CPEB2: variants seen among roughly 807,000 people sequenced by gnomAD.
The protein encoded by CPEB2 is cytoplasmic polyadenylation element binding protein 2.
Under a neutral mutation model 93.6 loss-of-function variants are expected in CPEB2, and 56 were observed. The ratio of observed to expected loss-of-function variants is 0.60; its 90% CI spans 0.48 to 0.75. CPEB2 has a LOEUF of 0.75. CPEB2 is among the 30% of genes least tolerant of loss of function. The pLI, the probability that CPEB2 is intolerant of heterozygous loss-of-function variation, is 0.00. For missense variants in CPEB2, 1,579 were observed against 1,395.1 expected, an observed-to-expected ratio of 1.13 and a Z score of -2.10; for synonymous variants, 764 against 586.3, an observed-to-expected ratio of 1.30 and a Z score of -4.38.
chr4:15,009,453 G>A (rs756853604), intron 3 of CPEB2, among the ~76,000 whole-genome samples: 2 of 152,238 alleles, frequency 1.3e-5, no homozygotes, highest in East Asian at 1.9e-4. Flanking sequence ...AATTTGCAAC[G>A]TATTGTCTTG....
At position 15,036,608 on chromosome 4, in the gene CPEB2, G is replaced by A. The variant is rs141978040; in HGVS notation, c.2176+3397G>A. Among the ~76,000 whole-genome samples, 294 of 152,132 alleles carry A rather than the reference G, an allele frequency of 1.9e-3. 1 individual carries two copies. The highest frequency in any genetic ancestry group is 6.7e-3 in the African/African-American group (277 of 41,510). On this transcript the variant is annotated intron_variant, in intron 5 of 11. Transcript: ENST00000538197. Reference sequence around the variant, plus strand: ...CATTCAAGTATTTGTATTAATATTTGAATTATATCTTCTTTACCCCTTTCT... The same window carrying A: ...CATTCAAGTATTTGTATTAATATTTAAATTATATCTTCTTTACCCCTTTCT...
At chr4:15,030,300 G>A (rs1216197801) in intron 4 of CPEB2, among the ~76,000 whole-genome samples, 2 of 151,918 alleles carry the variant, frequency 1.3e-5, no homozygotes, top group Non-Finnish European at 2.9e-5. Flanking sequence ...TATTAAGATA[G>A]CGATTAAGAG....
Position 15,003,245 on chromosome 4 carries a change from C to G in CPEB2, c.572C>G (p.Pro191Arg). 6.6e-7 allele frequency: 1 copy of G among 1,525,154 alleles called. No homozygotes were observed. The highest frequency in any genetic ancestry group is 1.4e-5 in the African/African-American group (1 of 69,630). 94.5% of individuals were successfully genotyped at this position (1,525,154 alleles called of 1,614,324 possible). The change falls in exon 1 of 12, where the codon CCG (proline) becomes CGG (arginine). Residue 191 changes from proline (P) to arginine (R), a missense_variant. Physicochemically the swap from Pro to Arg is moderately radical, Grantham distance 103. Around this residue, in one of 2 missense-constraint regions of CPEB2, gnomAD observed 1,411 missense variants for 1,056.0 expected, o/e 1.34. Transcript: ENST00000538197. Reference sequence around the variant, plus strand: ...AGCCCTCCCCACCTTCCCCACCCTCCGGACTCGAAGCCGCCGCCGCCGCCT... The same window carrying G: ...AGCCCTCCCCACCTTCCCCACCCTCGGGACTCGAAGCCGCCGCCGCCGCCT... ...EFSPPHLPHP[P>R]DSKPPPPPPP...
chr4:15,010,783 A>G (rs1723367996), intron 3 of CPEB2, among the ~76,000 whole-genome samples: 1 of 152,064 alleles, frequency 6.6e-6, no homozygotes. Context: ...TTTAGTCTCA[A>G]ACTGATTGGG....
chr4:15,025,724 T>C (rs1423066287), intron 4 of CPEB2, among the ~76,000 whole-genome samples: 1 of 152,036 alleles, frequency 6.6e-6, no homozygotes, highest in Non-Finnish European at 1.5e-5. Flanking sequence ...CACACAGTTA[T>C]AACCAGAGCT....
intron 5 of CPEB2, among the ~76,000 whole-genome samples, chr4:15,035,723 T>A (rs1008514671): frequency 6.6e-6 from 1 of 152,124 alleles, no homozygotes; most frequent in African/African-American, 2.4e-5. Context: ...TTAGGTAAAA[T>A]AACCCCCCAA....
In CPEB2 at chr4:15,003,347, C is replaced by T; in HGVS notation, c.674C>T (p.Ala225Val). 2 of 1,394,726 alleles carry T rather than the reference C, an allele frequency of 1.4e-6. No individual in the cohort carries two copies. The highest frequency in any genetic ancestry group is 1.8e-6 in the Non-Finnish European group (2 of 1,087,672). 86.4% of individuals were successfully genotyped at this position (1,394,726 alleles called of 1,614,324 possible). A position where few individuals can be genotyped will look rare whatever the true frequency, so the allele number is the denominator to read the frequency against. Residue 225 changes from alanine (A) to valine (V), a missense_variant, in exon 1 of 12, where the codon GCT becomes GTT. Ala to Val is a moderately conservative substitution (Grantham distance 64, BLOSUM62 0). Around this residue, in one of 2 missense-constraint regions of CPEB2, gnomAD observed 1,411 missense variants for 1,056.0 expected, o/e 1.34. Coordinates refer to ENST00000538197, the MANE Select transcript of CPEB2 (RefSeq NM_001177382.2). The part of the protein sequence containing the change: ...AGPLLQPAQL[A>V]QRQQQQPPQQ... ...CCGCTCCTCCAGCCGGCGCAGCTCG[C>T]TCAGCGCCAGCAGCAACAGCCGCCG...
chr4:15,018,520 A>G lies in CPEB2; in HGVS notation c.2125+1242A>G, dbSNP rs202174953. 2.4e-3 allele frequency among the ~76,000 whole-genome samples: 352 copies of G among 148,664 alleles called. 3 individuals are homozygous for G. Among genetic ancestry groups the G allele is most frequent in the South Asian group, 0.019 (88 of 4,720 alleles). ...TTTCCTTTTAACCAAAGTTCAGCTTAGTTTTTTGAGTATCTTTGTATAGGG... is the reference window on the plus strand; with the variant it reads ...TTTCCTTTTAACCAAAGTTCAGCTTGGTTTTTTGAGTATCTTTGTATAGGG... On this transcript the variant is annotated intron_variant, in intron 4 of 11. Coordinates refer to ENST00000538197, the MANE Select transcript of CPEB2 (RefSeq NM_001177382.2).
chr4:15,058,354 T>C, intron 8 of CPEB2, 67 bp from the exon 9 acceptor site: 1 of 819,968 alleles, frequency 1.2e-6, no homozygotes, highest in South Asian at 1.6e-5. Context: ...ATTTTCTAAA[T>C]AGTACTGAAA....
rs148405739 is a variant in CPEB2 at position 15,046,771 on chromosome 4, G to C, written c.2201-5643G>C. Among the ~76,000 whole-genome samples the C allele has an allele frequency of 3.5e-3, 525 of 152,132 alleles. 2 individuals carry two copies. The highest frequency in any genetic ancestry group is 5.3e-3 in the Non-Finnish European group (360 of 67,992). On this transcript the variant is annotated intron_variant, in intron 6 of 11. Coordinates refer to ENST00000538197, the MANE Select transcript of CPEB2 (RefSeq NM_001177382.2). The stretch of plus-strand genomic sequence containing the variant: ...CCTATTTTCCAGTAGCGTATTGCTT[G>C]CCATCCACTTTTTAACAGTATCTTT...
rs1291789127 is a variant in CPEB2 at position 15,003,503 on chromosome 4, GAGGCGCGGGCAGCCCTCGCAAGACCCC to G, written c.833_859del (p.Gly278_Pro286del). ...CCTGCAGCCCCGCGGCGCCGCCACGGAGGCGCGGGCAGCCCTCGCAAGACCCCAGCCGCGGGCGAGGGCAGCGCCGCC... is the reference window on the plus strand; with the variant it reads ...CCTGCAGCCCCGCGGCGCCGCCACGGAGCCGCGGGCGAGGGCAGCGCCGCC... On this transcript the variant is annotated inframe_deletion, in exon 1 of 12. Coordinates refer to ENST00000538197, the MANE Select transcript of CPEB2 (RefSeq NM_001177382.2). 1.6e-5 allele frequency: 22 copies of G among 1,410,410 alleles called. No homozygotes were observed. In the South Asian group the frequency reaches 3.3e-4, roughly 21 times the overall value. 87.4% of individuals were successfully genotyped at this position (1,410,410 alleles called of 1,614,324 possible).
chr4:15,059,513 T>C (rs1399438130), intron 10 of CPEB2, among the ~76,000 whole-genome samples: 1 of 152,146 alleles, frequency 6.6e-6, no homozygotes, highest in Non-Finnish European at 1.5e-5. Flanking sequence ...GGTACTTATC[T>C]ATCAATATTA....
intron 3 of CPEB2, among the ~76,000 whole-genome samples, chr4:15,016,583 T>C (rs1350267938): frequency 1.3e-5 from 2 of 151,942 alleles, no homozygotes; most frequent in East Asian, 1.9e-4. Context: ...GAGACAAATA[T>C]GGAAGCACTT....
intron 10 of CPEB2, among the ~76,000 whole-genome samples, chr4:15,059,529 G>A (rs1398275091): frequency 3.3e-5 from 5 of 152,118 alleles, no homozygotes; most frequent in Admixed American, 6.5e-5. Flanking sequence ...TATTAGTGCA[G>A]TAGCTAACTC....
Position 15,004,152 on chromosome 4 carries a change from GGCTACC to G in CPEB2, c.1483_1488del (p.Thr495_Ala496del). 1 of 1,324,732 alleles carries G rather than the reference GGCTACC, an allele frequency of 7.5e-7. No individual in the cohort carries two copies. The highest frequency in any genetic ancestry group is 9.8e-7 in the Non-Finnish European group (1 of 1,015,434). 82.1% of individuals were successfully genotyped at this position (1,324,732 alleles called of 1,614,324 possible). ...GCGGCGGCTTCGGCGGCCCCTTCTCGGCTACCGCTGTGCCCCCTCCGCCGCCGCCCG... is the reference window on the plus strand; with the variant it reads ...GCGGCGGCTTCGGCGGCCCCTTCTCGGCTGTGCCCCCTCCGCCGCCGCCCG... On this transcript the variant is annotated inframe_deletion, in exon 1 of 12. Transcript: ENST00000538197.
Position 15,002,816 on chromosome 4 carries a change from T to G in CPEB2, c.143T>G (p.Leu48Arg), listed in dbSNP as rs1334585090. The stretch of plus-strand genomic sequence containing the variant: ...CCCTCCGCCACGCCCTTCGGCCCAC[T>G]GTCGCCACCACCGTTGCCTGTCACC... ...PLPSATPFGP[L>R]SPPPLPVTGF... The change falls in exon 1 of 12, where the codon CTG becomes CGG. Residue 48 changes from leucine to arginine, a missense_variant. Leu to Arg is a moderately radical substitution (Grantham distance 102, BLOSUM62 -2). Around this residue, in one of 2 missense-constraint regions of CPEB2, gnomAD observed 1,411 missense variants for 1,056.0 expected, o/e 1.34. Coordinates refer to ENST00000538197, the MANE Select transcript of CPEB2 (RefSeq NM_001177382.2). 4 of 1,535,256 alleles carry G rather than the reference T, an allele frequency of 2.6e-6. No individual in the cohort carries two copies. The highest frequency in any genetic ancestry group is 3.5e-6 in the Non-Finnish European group (4 of 1,146,598).
At chr4:15,048,553 T>C (rs1008013114) in intron 6 of CPEB2, among the ~76,000 whole-genome samples, 2 of 151,964 alleles carry the variant, frequency 1.3e-5, no homozygotes, top group Non-Finnish European at 2.9e-5. Context: ...AAGTTCTGTG[T>C]TGATTGATGT....
chr4:15,005,901 C>G (rs1722751244), intron 1 of CPEB2, among the ~76,000 whole-genome samples: 1 of 152,174 alleles, frequency 6.6e-6, no homozygotes, highest in East Asian at 1.9e-4. Flanking sequence ...TATCTGGAAA[C>G]TTGCCCACAG....
chr4:15,002,784 C>A lies in CPEB2; in HGVS notation c.111C>A (p.Asn37Lys). The change falls in exon 1 of 12, where the codon AAC becomes AAA. Residue 37 changes from asparagine (N) to lysine (K), a missense_variant. Around this residue, in one of 2 missense-constraint regions of CPEB2, gnomAD observed 1,411 missense variants for 1,056.0 expected, o/e 1.34. Coordinates refer to ENST00000538197, the MANE Select transcript of CPEB2 (RefSeq NM_001177382.2). ...GTCCTTACGCCGTGGGGTCCGTCAA[C>A]CCGCTGCCCTCCGCCACGCCCTTCG... The part of the protein sequence containing the change: ...AYGPYAVGSV[N>K]PLPSATPFGP... 1 of 1,535,652 alleles carries A rather than the reference C, an allele frequency of 6.5e-7. No individual in the cohort carries two copies. Among genetic ancestry groups the A allele is most frequent in the Non-Finnish European group, 8.7e-7 (1 of 1,146,692 alleles).
Sources: allele counts gnomAD v4.1 joint callset (sites outside exome capture counted in the v4.1 genomes callset), GRCh38; gene constraint gnomAD v4.1.1; regional missense constraint gnomAD v4.1.1; transcripts MANE v1.5; gene names NCBI Gene and HGNC (gene_info 2026-07-23, HGNC 2026-07-21).